Variants in PTK7 observed in about 807,000 individuals in gnomAD.
PTK7 encodes the protein inactive tyrosine-protein kinase 7.
A neutral mutation model predicts 116.6 loss-of-function variants in PTK7; 39 were observed. That is an observed-to-expected ratio of 0.33 (90% CI 0.26 to 0.44). The LOEUF is 0.44. Among genes scored for constraint, PTK7 ranks in the 20% least tolerant of loss-of-function variants. PTK7 has a pLI of 1.00. For missense variants in PTK7, 1,169 were observed against 1,425.6 expected (o/e 0.82, Z 2.90); for synonymous variants, 546 against 563.6 (o/e 0.97, Z 0.44).
Position 43,129,956 on chromosome 6 carries a change from C to T in PTK7, c.470+127C>T. On this transcript the variant is annotated intron_variant, in intron 3 of 19. Coordinates refer to ENST00000230419, the MANE Select transcript of PTK7 (RefSeq NM_002821.5). The surrounding 1 kb of genome is among the most constrained non-coding windows in gnomAD (Gnocchi z 4.5). ...CCACTCGTTCCACCACCACAGTGCTCTTCACCCTGCCCTCCCCCAGATATT... is the reference window on the plus strand; with the variant it reads ...CCACTCGTTCCACCACCACAGTGCTTTTCACCCTGCCCTCCCCCAGATATT... 1 of 987,374 alleles carries T rather than the reference C, an allele frequency of 1.0e-6. No homozygotes were observed. The highest frequency in any genetic ancestry group is 1.6e-5 in the African/African-American group (1 of 62,684). The allele number at this position is 987,374 out of a possible 1,614,324, so 61.2% of individuals were successfully genotyped here. A position where few individuals can be genotyped will look rare whatever the true frequency, so the allele number is the denominator to read the frequency against.
intron 1 of PTK7, among the ~76,000 whole-genome samples, chr6:43,111,694 A>G (rs545326250): frequency 6.6e-5 from 10 of 151,958 alleles, no homozygotes; most frequent in African/African-American, 2.4e-4. Flanking sequence ...GACAGGTCTC[A>G]CTCTGTCACA....
intron 1 of PTK7, among the ~76,000 whole-genome samples, chr6:43,110,797 G>T (rs1768154153): frequency 1.3e-5 from 2 of 152,164 alleles, no homozygotes; most frequent in African/African-American, 4.8e-5. Flanking sequence ...AAAGTCATTT[G>T]TCTGACTTGT....
chr6:43,099,409 T>A (rs58438201), intron 1 of PTK7, among the ~76,000 whole-genome samples: 2,534 of 152,056 alleles, frequency 0.017, 74 homozygotes, highest in African/African-American at 0.054. Context: ...ATTAAAAAAA[T>A]TTTTTTATAG....
Position 43,077,082 on chromosome 6 carries a change from C to T in PTK7, c.79+515C>T, listed in dbSNP as rs545260805. 109 of 1,251,312 alleles carry T rather than the reference C, an allele frequency of 8.7e-5. 1 individual carries two copies. In the African/African-American group the frequency reaches 1.3e-3, roughly 15 times the overall value. 77.5% of individuals were successfully genotyped at this position (1,251,312 alleles called of 1,614,324 possible). ...TACGCCGACCCGACGTTCCCGGCTT[C>T]CCTCCTCCGAGTTCCTGGGCAAAGC... On this transcript the variant is annotated intron_variant, in intron 1 of 19. Coordinates refer to ENST00000230419, the MANE Select transcript of PTK7 (RefSeq NM_002821.5).
chr6:43,093,249 G>A (rs185442780), intron 1 of PTK7, among the ~76,000 whole-genome samples: 1 of 146,380 alleles, frequency 6.8e-6, no homozygotes, highest in Non-Finnish European at 1.5e-5. Flanking sequence ...GAGTGCAACG[G>A]CACAATCTCA....
chr6:43,115,586 C>T (rs555494083), intron 1 of PTK7, among the ~76,000 whole-genome samples: 99 of 152,150 alleles, frequency 6.5e-4, no homozygotes, highest in African/African-American at 1.3e-3. Flanking sequence ...TTTTCCCAGC[C>T]GCAGAGATGG....
chr6:43,095,447 C>T (rs947433173), intron 1 of PTK7, among the ~76,000 whole-genome samples: 14 of 152,034 alleles, frequency 9.2e-5, no homozygotes, highest in African/African-American at 3.4e-4. Flanking sequence ...GTGTGTCAAG[C>T]CTTCTACCTG....
chr6:43,141,297 G>A lies in PTK7; in HGVS notation c.1619-371G>A, dbSNP rs942801049. On this transcript the variant is annotated intron_variant, in intron 10 of 19. Coordinates refer to ENST00000230419, the MANE Select transcript of PTK7 (RefSeq NM_002821.5). This position sits in a 1 kb window ranked among gnomAD's most constrained non-coding sequence, Gnocchi z 4.9. Reference sequence around the variant, plus strand: ...GTAGGCTCCCTCTGCTCAGGTCTGGGGGAACTTTCTGGGAGAGGTGAGGCT... The same window carrying A: ...GTAGGCTCCCTCTGCTCAGGTCTGGAGGAACTTTCTGGGAGAGGTGAGGCT... Among the ~76,000 whole-genome samples the A allele has an allele frequency of 1.3e-5, 2 of 152,114 alleles. No homozygotes were observed. Among genetic ancestry groups the A allele is most frequent in the Non-Finnish European group, 2.9e-5 (2 of 68,028 alleles).
chr6:43,135,023 G>A (rs1461311129), intron 7 of PTK7, among the ~76,000 whole-genome samples: 1 of 152,118 alleles, frequency 6.6e-6, no homozygotes, highest in African/African-American at 2.4e-5. Context: ...CCACTCCACA[G>A]CTTCCAACCC....
intron 1 of PTK7, among the ~76,000 whole-genome samples, chr6:43,080,770 C>T (rs959030315): frequency 3.9e-5 from 6 of 152,114 alleles, no homozygotes; most frequent in South Asian, 2.1e-4. Flanking sequence ...GGTGAAGCCC[C>T]GTCTCTACTA....
chr6:43,139,338 C>T lies in PTK7; in HGVS notation c.1498+67C>T, dbSNP rs925108741. The T allele has an allele frequency of 8.1e-6, 13 of 1,613,960 alleles. No individual in the cohort carries two copies. Among genetic ancestry groups the T allele is most frequent in the Non-Finnish European group, 1.1e-5 (13 of 1,179,814 alleles). ...CAGGAGAGGAAAGGGGAGGGAGCAGCAGGCCTGGCCACGGCCTCTCCAGCG... is the reference window on the plus strand; with the variant it reads ...CAGGAGAGGAAAGGGGAGGGAGCAGTAGGCCTGGCCACGGCCTCTCCAGCG... On this transcript the variant is annotated intron_variant, in intron 9 of 19. Transcript: ENST00000230419. The surrounding 1 kb of genome is among the most constrained non-coding windows in gnomAD (Gnocchi z 4.6).
chr6:43,153,985 A>G (rs1447045425), intron 17 of PTK7, among the ~76,000 whole-genome samples: 1 of 152,058 alleles, frequency 6.6e-6, no homozygotes, highest in East Asian at 1.9e-4. Context: ...CAAAATGGTG[A>G]AACCCCGTTT....
intron 18 of PTK7, chr6:43,159,578 T>G: frequency 1.7e-6 from 1 of 590,590 alleles, no homozygotes; most frequent in Non-Finnish European, 3.0e-6. Flanking sequence ...TTAATGGAAA[T>G]TTTTTAACCA....
At chr6:43,088,007 A>G (rs1367648881) in intron 1 of PTK7, among the ~76,000 whole-genome samples, 1 of 152,196 alleles carries the variant, frequency 6.6e-6, no homozygotes, top group Non-Finnish European at 1.5e-5. Context: ...CTGGTGAGGA[A>G]TAGGGCTGAA....
intron 17 of PTK7, among the ~76,000 whole-genome samples, chr6:43,158,463 G>A (rs1316428296): frequency 6.6e-6 from 1 of 152,116 alleles, no homozygotes; most frequent in Non-Finnish European, 1.5e-5. Flanking sequence ...GCAAGACCCT[G>A]TCACTTGAAA....
intron 7 of PTK7, among the ~76,000 whole-genome samples, chr6:43,136,195 C>T (rs1770028591): frequency 6.6e-6 from 1 of 150,420 alleles, no homozygotes; most frequent in African/African-American, 2.5e-5. Flanking sequence ...ATTATCCAGG[C>T]ATGGTGGCAC....
intron 1 of PTK7, among the ~76,000 whole-genome samples, chr6:43,100,406 G>GTT (rs35115954): frequency 1.2e-3 from 177 of 149,092 alleles, no homozygotes; most frequent in African/African-American, 4.1e-3. Context: ...AATCATTAGG[G>GTT]TTTTTTTAAA....
intron 1 of PTK7, among the ~76,000 whole-genome samples, chr6:43,128,372 C>G (rs1009270060): frequency 1.3e-5 from 2 of 152,208 alleles, no homozygotes; most frequent in African/African-American, 4.8e-5. Context: ...CCTGCCCACC[C>G]CATTCATTTG....
chr6:43,114,485 C>T (rs1554151035), intron 1 of PTK7, among the ~76,000 whole-genome samples: 2 of 151,908 alleles, frequency 1.3e-5, no homozygotes, highest in Non-Finnish European at 2.9e-5. Flanking sequence ...CTGTGTGTGA[C>T]TTTGGAGGTC....
Sources: gnomAD v4.1 joint callset for allele counts (sites outside exome capture counted in the v4.1 genomes callset) on GRCh38, gnomAD v4.1.1 for gene constraint, Gnocchi (gnomAD v3.1) non-coding constraint, MANE v1.5 for transcripts, NCBI Gene and HGNC (gene_info 2026-07-23, HGNC 2026-07-21) for gene names.